TENM2: variants seen among roughly 807,000 people sequenced by gnomAD.
The protein encoded by TENM2 is teneurin-2.
TENM2 carries 52 observed loss-of-function variants against 245.2 expected under a neutral mutation model. The ratio of observed to expected loss-of-function variants is 0.21; its 90% CI spans 0.17 to 0.27. TENM2 has a LOEUF of 0.27. Among genes scored for constraint, TENM2 ranks in the 10% least tolerant of loss-of-function variants. The probability of loss-of-function intolerance (pLI) is 1.00; values close to 1 mark genes in which losing one functional copy is unlikely to be tolerated. For missense variants in TENM2, 3,046 were observed against 3,666.8 expected (o/e 0.83, Z 4.37); for synonymous variants, 1,363 against 1,438.9 (o/e 0.95, Z 1.19).
chr5:167,324,973 G>T (rs1756998001), intron 1 of TENM2, among the ~76,000 whole-genome samples: 1 of 152,168 alleles, frequency 6.6e-6, no homozygotes. Context: ...ACTCAAGTGT[G>T]AACGTGGCTC....
intron 2 of TENM2, among the ~76,000 whole-genome samples, chr5:167,515,676 T>TATACAC (rs1770327560): frequency 6.7e-6 from 1 of 148,678 alleles, no homozygotes; most frequent in African/African-American, 2.5e-5. Context: ...TATGTGTATA[T>TATACAC]ATATTTTGAG....
In TENM2 at chr5:167,705,563, G is replaced by C. The variant is rs562894272; in HGVS notation, c.503-170423G>C. ...AAAAGAGGGTGTACAGTAAAGCTTT[G>C]TTATTTATTGGCTGTGGTGGGGAGG... On this transcript the variant is annotated intron_variant, in intron 2 of 28. Transcript: ENST00000518659. Among the ~76,000 whole-genome samples, 16 of 152,188 alleles carry C rather than the reference G, an allele frequency of 1.1e-4. No individual in the cohort carries two copies. In the South Asian group the frequency reaches 3.1e-3, roughly 30 times the overall value.
chr5:168,228,214 CCA>C (rs1381433156), intron 25 of TENM2, 84 bp downstream of exon 27: 2 of 1,132,414 alleles, frequency 1.8e-6, no homozygotes, highest in Non-Finnish European at 2.6e-6. Context: ...TTCTCTGTTA[CCA>C]CAGAGTGGGA....
the TENM2 span, among the ~76,000 whole-genome samples, chr5:167,149,518 C>T: frequency 1.6e-3 from 248 of 152,190 alleles, no homozygotes; most frequent in African/African-American, 5.7e-3. Flanking sequence ...TCTTTCTGTG[C>T]TCTGATCTTC....
At chr5:167,818,914 TA>T (rs1767281648) in intron 2 of TENM2, among the ~76,000 whole-genome samples, 1 of 152,064 alleles carries the variant, frequency 6.6e-6, no homozygotes, top group South Asian at 2.1e-4. Flanking sequence ...CCTTAAAGGT[TA>T]GTGGGCTGGA....
chr5:168,016,047 A>G lies in TENM2; in HGVS notation c.1186+22865A>G, dbSNP rs536019729. On this transcript the variant is annotated intron_variant, in intron 5 of 28. Transcript: ENST00000518659. ...CTGTTAACCTGAGCTGCAACCAGGGACAAGCATGCACCTTTCCAGAGCCTT... is the reference window on the plus strand; with the variant it reads ...CTGTTAACCTGAGCTGCAACCAGGGGCAAGCATGCACCTTTCCAGAGCCTT... Among the ~76,000 whole-genome samples, 19 of 152,312 alleles carry G rather than the reference A, an allele frequency of 1.2e-4. No homozygotes were observed. In the East Asian group the frequency reaches 3.7e-3, roughly 29 times the overall value.
At chr5:167,785,304 A>G (rs1054322323) in intron 2 of TENM2, among the ~76,000 whole-genome samples, 2 of 152,230 alleles carry the variant, frequency 1.3e-5, no homozygotes, top group African/African-American at 4.8e-5. Flanking sequence ...AAGATGAATC[A>G]ATGATCTATT....
intron 2 of TENM2, among the ~76,000 whole-genome samples, chr5:167,551,520 C>T (rs1772940770): frequency 6.6e-6 from 1 of 152,094 alleles, no homozygotes; most frequent in Non-Finnish European, 1.5e-5. Flanking sequence ...ATGAGCAAAT[C>T]CATAACAAAA....
chr5:167,143,315 A>G, the TENM2 span, among the ~76,000 whole-genome samples: 2 of 152,204 alleles, frequency 1.3e-5, no homozygotes, highest in Non-Finnish European at 2.9e-5. Context: ...GATTTTTCTA[A>G]TTGTGTTCGC....
intron 2 of TENM2, among the ~76,000 whole-genome samples, chr5:167,601,524 T>C (rs1474162270): frequency 3.3e-5 from 5 of 152,340 alleles, no homozygotes; most frequent in Admixed American, 6.5e-5. Context: ...AATTTAACAT[T>C]TACTCCGTGA....
intron 1 of TENM2, among the ~76,000 whole-genome samples, chr5:167,352,188 T>A (rs1758961458): frequency 6.6e-6 from 1 of 152,162 alleles, no homozygotes; most frequent in African/African-American, 2.4e-5. Context: ...ATGACAGAAG[T>A]CTACTGGAGC....
intron 2 of TENM2, among the ~76,000 whole-genome samples, chr5:167,507,293 C>T (rs542814690): frequency 4.6e-5 from 7 of 152,074 alleles, no homozygotes; most frequent in South Asian, 4.2e-4. Context: ...TCTCATTAGC[C>T]GTGGGTTAGA....
At chr5:167,822,476 C>T (rs549141284) in intron 2 of TENM2, among the ~76,000 whole-genome samples, 2 of 152,206 alleles carry the variant, frequency 1.3e-5, no homozygotes, top group South Asian at 2.1e-4. Flanking sequence ...GGTTCTTGGG[C>T]GCAGAGTCAC....
At chr5:167,678,944 A>G (rs1387342677) in intron 2 of TENM2, among the ~76,000 whole-genome samples, 1 of 152,118 alleles carries the variant, frequency 6.6e-6, no homozygotes, top group Non-Finnish European at 1.5e-5. Flanking sequence ...TTTCTTCGGC[A>G]AAGTTGACGA....
the TENM2 span, among the ~76,000 whole-genome samples, chr5:167,032,152 C>CAA: frequency 6.6e-6 from 1 of 152,084 alleles, no homozygotes; most frequent in Non-Finnish European, 1.5e-5. Context: ...TATAAGATTA[C>CAA]AAGTATAGCT....
intron 10 of TENM2, 136 bp downstream of exon 12, chr5:168,118,622 C>T: frequency 1.7e-6 from 1 of 585,968 alleles, no homozygotes; most frequent in Non-Finnish European, 2.8e-6. Flanking sequence ...CAACTTCAAA[C>T]TCCTTTGCTT....
At chr5:167,326,879 C>T (rs1466445118) in intron 1 of TENM2, among the ~76,000 whole-genome samples, 1 of 151,626 alleles carries the variant, frequency 6.6e-6, no homozygotes, top group Admixed American at 6.6e-5. Flanking sequence ...GAAATAGTTT[C>T]TGTCTCAAGT....
chr5:167,721,722 T>C (rs1582838557), intron 2 of TENM2, among the ~76,000 whole-genome samples: 1 of 152,212 alleles, frequency 6.6e-6, no homozygotes, highest in African/African-American at 2.4e-5. Flanking sequence ...CTCTTAACCT[T>C]AATCACATCT....
chr5:167,495,645 C>T (rs753439212), intron 2 of TENM2, among the ~76,000 whole-genome samples: 24 of 151,958 alleles, frequency 1.6e-4, no homozygotes, highest in South Asian at 4.1e-4. Flanking sequence ...TTCTGAGATC[C>T]GGATTGTTCT....
Sources: allele counts gnomAD v4.1 joint callset (sites outside exome capture counted in the v4.1 genomes callset), GRCh38; gene constraint gnomAD v4.1.1; transcripts MANE v1.5; gene names NCBI Gene and HGNC (gene_info 2026-07-23, HGNC 2026-07-21).